Variants in ZHX3 observed in about 807,000 individuals in gnomAD.
The protein encoded by ZHX3 is zinc fingers and homeoboxes protein 3.
ZHX3 carries 20 observed loss-of-function variants against 64.5 expected under a neutral mutation model. The observed-to-expected ratio is 0.31, with a 90% CI of 0.22 to 0.45. The LOEUF (loss-of-function observed/expected upper bound fraction) is 0.45, where lower values mean the gene tolerates loss of function less well. Among genes scored for constraint, ZHX3 ranks in the 20% least tolerant of loss-of-function variants. The pLI is 1.00. For synonymous variants in ZHX3, 423 were observed against 461.6 expected (o/e 0.92, Z 1.07); for missense variants, 1,041 against 1,195.8 (o/e 0.87, Z 1.91).
rs567195958 is a variant in ZHX3 at position 41,277,887 on chromosome 20, G to A, written c.-244-8804C>T. Among the ~76,000 whole-genome samples the A allele has an allele frequency of 9.3e-4, 129 of 137,980 alleles. 18 individuals carry two copies. The highest frequency in any genetic ancestry group is 1.3e-3 in the African/African-American group (46 of 36,702). 90.5% of individuals were successfully genotyped at this position (137,980 alleles called of 152,430 possible). A position where few individuals can be genotyped will look rare whatever the true frequency, so the allele number is the denominator to read the frequency against. ...ATTACAGGCGTGAGCCACCACGCCC[G>A]GCCCCCTCCATGTCAAATATTTTAA... On this transcript the variant is annotated intron_variant, in intron 1 of 3. Transcript: ENST00000683867.
intron 3 of ZHX3, among the ~76,000 whole-genome samples, chr20:41,192,078 G>A (rs972987671): frequency 2.6e-5 from 4 of 152,214 alleles, no homozygotes; most frequent in Non-Finnish European, 5.9e-5. Context: ...AGATGGCAGT[G>A]ACAGTGTTGA....
intron 1 of ZHX3, among the ~76,000 whole-genome samples, chr20:41,303,577 T>C (rs769769924): frequency 3.9e-5 from 6 of 152,204 alleles, no homozygotes; most frequent in Non-Finnish European, 5.9e-5. Context: ...TTGCCTTCTA[T>C]AGACTTCTCT....
chr20:41,233,232 T>C (rs1433834053), intron 2 of ZHX3, among the ~76,000 whole-genome samples: 1 of 152,224 alleles, frequency 6.6e-6, no homozygotes, highest in Non-Finnish European at 1.5e-5. Flanking sequence ...GTACATTACA[T>C]ATAAAAGTTA....
chr20:41,308,928 G>A (rs936396763), intron 1 of ZHX3, among the ~76,000 whole-genome samples: 10 of 151,850 alleles, frequency 6.6e-5, no homozygotes, highest in African/African-American at 1.5e-4. Context: ...GGTTTATGAC[G>A]GAAAGCTTTC....
In ZHX3 at chr20:41,178,638, C is replaced by T. The variant is rs761130710; in HGVS notation, c.*6553G>A. 6.5e-6 allele frequency: 1 copy of T among 152,672 alleles called. No individual in the cohort carries two copies. The highest frequency in any genetic ancestry group is 1.5e-5 in the Non-Finnish European group (1 of 68,042). 9.5% of individuals were successfully genotyped at this position (152,672 alleles called of 1,614,324 possible). ...ATCCCCACAGGGGACCTCGTGAGGC[C>T]TGGAGATTCAGCCCCAAGAGGGCAA... On this transcript the variant is annotated 3_prime_UTR_variant, in exon 4 of 4. Transcript: ENST00000683867.
chr20:41,230,501 T>C (rs1228269653), intron 2 of ZHX3, among the ~76,000 whole-genome samples: 1 of 152,224 alleles, frequency 6.6e-6, no homozygotes, highest in African/African-American at 2.4e-5. Context: ...GGTACTCATG[T>C]ATGTACTGAG....
chr20:41,273,342 C>T (rs895161221), intron 1 of ZHX3, among the ~76,000 whole-genome samples: 65 of 152,116 alleles, frequency 4.3e-4, no homozygotes, highest in Non-Finnish European at 3.7e-4. Flanking sequence ...TTGATAGCAT[C>T]CTTTGCTGCA....
chr20:41,262,436 C>T (rs1396325612), intron 2 of ZHX3, among the ~76,000 whole-genome samples: 1 of 152,218 alleles, frequency 6.6e-6, no homozygotes, highest in East Asian at 1.9e-4. Flanking sequence ...TGTGCACCTT[C>T]AGACTTTTGC....
chr20:41,284,531 A>G (rs1479001652), intron 1 of ZHX3, among the ~76,000 whole-genome samples: 1 of 152,144 alleles, frequency 6.6e-6, no homozygotes, highest in African/African-American at 2.4e-5. Context: ...AGTATCCAAC[A>G]ATGGCCAGTT....
rs1317337878 is a variant in ZHX3, at chr20:41,317,679, C to A, written c.-415G>T. On this transcript the variant is annotated 5_prime_UTR_variant, in exon 1 of 4. Transcript: ENST00000683867. ...GCGGGGACGCAGCTGCACCAACCGA[C>A]TCCGGGCCGCTCGGCTGGGCTCGGC... is the stretch of plus-strand genomic sequence containing the variant. 1 of 151,446 alleles carries A rather than the reference C, an allele frequency of 6.6e-6. No homozygotes were observed. Among genetic ancestry groups the A allele is most frequent in the African/African-American group, 2.4e-5 (1 of 41,352 alleles). The allele number at this position is 151,446 out of a possible 1,614,324, so 9.4% of individuals were successfully genotyped here.
intron 1 of ZHX3, among the ~76,000 whole-genome samples, chr20:41,290,776 T>C (rs966141876): frequency 1.3e-5 from 2 of 152,196 alleles, no homozygotes; most frequent in Non-Finnish European, 2.9e-5. Context: ...GCCAGTTTCT[T>C]AAATCATAAA....
rs539055840 is a variant in ZHX3, at chr20:41,298,086, T to A, written c.-245+19423A>T. Among the ~76,000 whole-genome samples the A allele has an allele frequency of 5.4e-4, 82 of 151,466 alleles. 1 individual carries two copies. The South Asian group carries it at 8.7e-3, about 16-fold the overall frequency. On this transcript the variant is annotated intron_variant, in intron 1 of 3. Coordinates refer to ENST00000683867, the MANE Select transcript of ZHX3 (RefSeq NM_001384317.1). ...AGAGTCATCCAATTCTTTTTTTTTT[T>A]ATTTATATTTTAAGAAGACCAGAGA...
chr20:41,233,655 T>C (rs144824608), intron 2 of ZHX3, among the ~76,000 whole-genome samples: 21 of 152,296 alleles, frequency 1.4e-4, no homozygotes, highest in Admixed American at 3.9e-4. Context: ...AGCTGAAGCA[T>C]GAGTTGAAGC....
At chr20:41,186,030 G>A (rs779695112) in intron 3 of ZHX3, among the ~76,000 whole-genome samples, 4 of 152,124 alleles carry the variant, frequency 2.6e-5, no homozygotes, top group Admixed American at 1.3e-4. Context: ...TCACCATTAC[G>A]ACAATTTTAA....
intron 1 of ZHX3, among the ~76,000 whole-genome samples, chr20:41,303,789 A>G (rs893597415): frequency 6.6e-6 from 1 of 152,054 alleles, no homozygotes; most frequent in Non-Finnish European, 1.5e-5. Context: ...TGAACATGCT[A>G]GAGCCCCTCT....
In ZHX3 at chr20:41,228,312, C is replaced by G. The variant is rs1046220243; in HGVS notation, c.-150-23246G>C. ...AAATTTCTGGCTCCGTTGACCCTGG[C>G]ACTCACCCTTCCAAAAAACGAAACA... On this transcript the variant is annotated intron_variant, in intron 2 of 3. Coordinates refer to ENST00000683867, the MANE Select transcript of ZHX3 (RefSeq NM_001384317.1). This position sits in a 1 kb window ranked among gnomAD's most constrained non-coding sequence, Gnocchi z 4.6. 6.6e-6 allele frequency among the ~76,000 whole-genome samples: 1 copy of G among 152,176 alleles called. No homozygotes were observed. Among genetic ancestry groups the G allele is most frequent in the African/African-American group, 2.4e-5 (1 of 41,440 alleles).
intron 2 of ZHX3, among the ~76,000 whole-genome samples, chr20:41,243,010 G>A (rs2041480991): frequency 6.6e-6 from 1 of 152,208 alleles, no homozygotes; most frequent in African/African-American, 2.4e-5. Context: ...TGGATGTGGT[G>A]TCCCTCTCAT....
At chr20:41,222,919 A>AAAAAG (rs1555839050) in intron 2 of ZHX3, among the ~76,000 whole-genome samples, 2 of 151,426 alleles carry the variant, frequency 1.3e-5, no homozygotes, top group African/African-American at 4.8e-5. Flanking sequence ...AAAAAAAAAA[A>AAAAAG]AAAGAAAGAA....
At chr20:41,287,188 A>T (rs1271952263) in intron 1 of ZHX3, among the ~76,000 whole-genome samples, 3 of 152,052 alleles carry the variant, frequency 2.0e-5, no homozygotes, top group African/African-American at 7.3e-5. Flanking sequence ...CCAGGAATCC[A>T]CACCTGTTCC....
Sources: gnomAD v4.1 joint callset for allele counts (sites outside exome capture counted in the v4.1 genomes callset) on GRCh38, gnomAD v4.1.1 for gene constraint, Gnocchi (gnomAD v3.1) non-coding constraint, MANE v1.5 for transcripts, NCBI Gene and HGNC (gene_info 2026-07-23, HGNC 2026-07-21) for gene names.